RCL1: variants seen among roughly 807,000 people sequenced by gnomAD.
RCL1 encodes the protein RNA terminal phosphate cyclase like 1, also known as RNA 3'-terminal phosphate cyclase-like protein.
Under a neutral mutation model 42.4 loss-of-function variants are expected in RCL1, and 24 were observed. The ratio of observed to expected loss-of-function variants is 0.57; its 90% CI spans 0.41 to 0.80. RCL1 has a LOEUF of 0.80. Among genes scored for constraint, RCL1 ranks in the 30% least tolerant of loss-of-function variants. The pLI is 0.00. For missense variants in RCL1, 578 were observed against 467.9 expected (o/e 1.24, Z -2.17); for synonymous variants, 228 against 177.3 (o/e 1.29, Z -2.27).
intron 1 of RCL1, among the ~76,000 whole-genome samples, chr9:4,802,898 G>A (rs1315365788): frequency 1.3e-5 from 2 of 152,150 alleles, no homozygotes; most frequent in African/African-American, 4.8e-5. Flanking sequence ...TTAGCCTACT[G>A]CAACCTTGAA....
intron 1 of RCL1, among the ~76,000 whole-genome samples, chr9:4,795,832 TGG>T (rs963330165): frequency 2.0e-5 from 3 of 152,170 alleles, no homozygotes; most frequent in African/African-American, 7.2e-5. Flanking sequence ...AGGCTTTGTA[TGG>T]GGGTGAGTGT....
At chr9:4,812,288 A>G (rs143308565) in intron 1 of RCL1, among the ~76,000 whole-genome samples, 444 of 151,588 alleles carry the variant, frequency 2.9e-3, no homozygotes, top group African/African-American at 9.6e-3. Flanking sequence ...TGCTTCCCTA[A>G]TGTTTTCTTC....
chr9:4,839,083 C>G (rs926611244), intron 5 of RCL1, among the ~76,000 whole-genome samples: 2 of 152,178 alleles, frequency 1.3e-5, no homozygotes, highest in Admixed American at 6.5e-5. Flanking sequence ...TGGACTTGAA[C>G]GGAGATAATC....
intron 5 of RCL1, 174 bp from the exon 6 acceptor site, chr9:4,841,058 A>T: frequency 1.5e-6 from 1 of 663,108 alleles, no homozygotes; most frequent in East Asian, 2.8e-5. Flanking sequence ...ATGACCTTTT[A>T]TAATAATGAA....
chr9:4,834,017 T>C, intron 4 of RCL1, 124 bp from the exon 5 acceptor site: 1 of 1,062,846 alleles, frequency 9.4e-7, no homozygotes, highest in Non-Finnish European at 1.3e-6. Flanking sequence ...GAATGACAGA[T>C]TGAATATGGA....
intron 3 of RCL1, among the ~76,000 whole-genome samples, chr9:4,828,546 G>T (rs1384322066): frequency 2.7e-5 from 4 of 145,518 alleles, no homozygotes; most frequent in African/African-American, 2.5e-5. Flanking sequence ...TTAATTAAGT[G>T]TTTTTTTTTT....
intron 8 of RCL1, among the ~76,000 whole-genome samples, chr9:4,853,579 C>G (rs1284122928): frequency 6.6e-6 from 1 of 152,066 alleles, no homozygotes; most frequent in Non-Finnish European, 1.5e-5. Flanking sequence ...CTTCGGCCTC[C>G]CAAAGTGCTG....
chr9:4,818,612 G>T (rs926843113), intron 1 of RCL1, among the ~76,000 whole-genome samples: 1 of 152,106 alleles, frequency 6.6e-6, no homozygotes, highest in African/African-American at 2.4e-5. Flanking sequence ...GCCGGGCTAG[G>T]TGGCTCACGC....
intron 6 of RCL1, among the ~76,000 whole-genome samples, chr9:4,841,618 C>G (rs141316994): frequency 6.6e-6 from 1 of 152,328 alleles, no homozygotes; most frequent in East Asian, 1.9e-4. Context: ...TATTAATACA[C>G]AATGCTTTAG....
At chr9:4,794,829 T>C (rs1251671787) in intron 1 of RCL1, among the ~76,000 whole-genome samples, 2 of 152,212 alleles carry the variant, frequency 1.3e-5, no homozygotes, top group Non-Finnish European at 2.9e-5. Context: ...CTCACACATA[T>C]GAGCTCCCGT....
At chr9:4,839,137 A>T (rs1817231657) in intron 5 of RCL1, among the ~76,000 whole-genome samples, 1 of 152,212 alleles carries the variant, frequency 6.6e-6, no homozygotes, top group African/African-American at 2.4e-5. Context: ...TTAGTAGGAC[A>T]TCCATGCCAA....
At chr9:4,822,843 T>C (rs1816638688) in intron 1 of RCL1, among the ~76,000 whole-genome samples, 1 of 152,020 alleles carries the variant, frequency 6.6e-6, no homozygotes, top group Non-Finnish European at 1.5e-5. Flanking sequence ...ACTTTTAATA[T>C]AAAATTAAAT....
intron 2 of RCL1, 104 bp downstream of exon 2, chr9:4,823,723 T>C: frequency 1.4e-6 from 1 of 707,360 alleles, no homozygotes; most frequent in Non-Finnish European, 2.4e-6. Context: ...TCTCTGCTTA[T>C]CCAAATCACT....
intron 1 of RCL1, among the ~76,000 whole-genome samples, chr9:4,815,739 G>A (rs1197535275): frequency 6.6e-6 from 1 of 152,080 alleles, no homozygotes; most frequent in African/African-American, 2.4e-5. Context: ...AGCTGGGCAC[G>A]GTGTTGACTC....
rs1309047110 is a variant in RCL1, at chr9:4,844,524, G to C, written c.711-1G>C. ...CAGTGTTTGTGCCTTTGTATCTCCA[G>C]GTCTCCGGGCTTTGGGTTGTCACTG... On this transcript the variant is annotated splice_acceptor_variant, in intron 6 of 8. Transcript: ENST00000381750. LOFTEE classifies it high-confidence loss of function. 6.2e-7 allele frequency: 1 copy of C among 1,609,712 alleles called. No individual in the cohort carries two copies. Among genetic ancestry groups the C allele is most frequent in the Admixed American group, 1.7e-5 (1 of 59,314 alleles).
chr9:4,819,658 T>C (rs1010582235), intron 1 of RCL1, among the ~76,000 whole-genome samples: 3 of 152,028 alleles, frequency 2.0e-5, no homozygotes, highest in African/African-American at 4.8e-5. Context: ...AATACAAAAA[T>C]TAGCTGGGCG....
At chr9:4,852,053 T>C (rs1817771846) in intron 8 of RCL1, among the ~76,000 whole-genome samples, 1 of 152,046 alleles carries the variant, frequency 6.6e-6, no homozygotes, top group Non-Finnish European at 1.5e-5. Flanking sequence ...GGCTAATTTT[T>C]TGTATTTTTA....
At chr9:4,853,435 C>T (rs971008067) in intron 8 of RCL1, among the ~76,000 whole-genome samples, 4 of 151,950 alleles carry the variant, frequency 2.6e-5, no homozygotes, top group Non-Finnish European at 2.9e-5. Flanking sequence ...CATTCTCCTG[C>T]CTCAGCCTCC....
chr9:4,801,077 T>G (rs1842992640), intron 1 of RCL1, among the ~76,000 whole-genome samples: 1 of 152,220 alleles, frequency 6.6e-6, no homozygotes, highest in African/African-American at 2.4e-5. Context: ...CCCAGGGTGG[T>G]CTTAATTTGC....
Sources: gnomAD v4.1 joint callset for allele counts (sites outside exome capture counted in the v4.1 genomes callset) on GRCh38, gnomAD v4.1.1 for gene constraint, MANE v1.5 for transcripts, NCBI Gene and HGNC (gene_info 2026-07-23, HGNC 2026-07-21) for gene names.